SMARCA1: variants seen among roughly 807,000 people sequenced by gnomAD.
The protein encoded by SMARCA1 is SNF2 related chromatin remodeling ATPase 1.
In SMARCA1, 17 loss-of-function variants were observed where a neutral mutation model predicts 93.6. The ratio of observed to expected loss-of-function variants is 0.18; its 90% confidence interval spans 0.12 to 0.27. The LOEUF is 0.27. Among genes scored for constraint, SMARCA1 ranks in the 10% least tolerant of loss-of-function variants. The probability of loss-of-function intolerance (pLI) is 1.00; values close to 1 mark genes in which losing one functional copy is unlikely to be tolerated. For synonymous variants in SMARCA1, 271 were observed against 271.4 expected (o/e 1.00, Z 0.01); for missense variants, 630 against 819.0 (o/e 0.77, Z 2.82).
At position 129,448,749 on chromosome X, in the gene SMARCA1, T is replaced by TA. The variant is rs886561165; in HGVS notation, c.3031-307dup. On this transcript the variant is annotated intron_variant, in intron 23 of 24. Transcript: ENST00000371121. The stretch of plus-strand genomic sequence containing the variant: ...TGAACCTCAAGGGAATTATGCTAAG[T>TA]AAAAAAAAAAAGCTAATTTCGAAAG... Among the ~76,000 whole-genome samples, 209 of 101,483 alleles carry TA rather than the reference T, an allele frequency of 2.1e-3. 1 individual carries two copies. The highest frequency in any genetic ancestry group is 6.1e-3 in the African/African-American group (171 of 27,939). The allele number at this position is 101,483 out of a possible 115,157, so 88.1% of individuals were successfully genotyped here.
intron 15 of SMARCA1, 54 bp downstream of exon 15, chrX:129,490,006 A>G (rs1484975835): frequency 1.1e-6 from 1 of 950,567 alleles, no homozygotes; most frequent in African/African-American, 2.0e-5. Context: ...TCCTTTGAAG[A>G]AAACTACATG....
At position 129,446,943 on chromosome X, in the gene SMARCA1, A is replaced by G. The variant is rs1005828794; in HGVS notation, c.*219T>C. On this transcript the variant is annotated 3_prime_UTR_variant, in exon 25 of 25. Coordinates refer to ENST00000371121, the MANE Select transcript of SMARCA1 (RefSeq NM_001282874.2). ...CTGAGAGGATTTTGATGAAGACATG[A>G]AATGCACAAAATACAGTACACAAAA... 1 of 338,251 alleles carries G rather than the reference A, an allele frequency of 3.0e-6. No homozygotes were observed. Among genetic ancestry groups the G allele is most frequent in the Non-Finnish European group, 5.0e-6 (1 of 198,064 alleles). 27.9% of individuals were successfully genotyped at this position (338,251 alleles called of 1,213,427 possible).
chrX:129,496,991 ACACACGTG>A (rs1934355275), intron 11 of SMARCA1, 120 bp from the exon 12 acceptor site: 6 of 483,268 alleles, frequency 1.2e-5, no homozygotes, highest in Non-Finnish European at 2.1e-5. Context: ...TAACGCACAC[ACACACGTG>A]CACACACACA....
intron 6 of SMARCA1, among the ~76,000 whole-genome samples, 164 bp from the exon 7 acceptor site, chrX:129,508,260 T>C (rs1934896999): frequency 8.9e-6 from 1 of 111,778 alleles, no homozygotes; most frequent in East Asian, 2.8e-4. Context: ...GGCCCAAAGA[T>C]AGTTGTGTGG....
At chrX:129,457,510 T>G (rs1285386952) in intron 23 of SMARCA1, among the ~76,000 whole-genome samples, 1 of 112,328 alleles carries the variant, frequency 8.9e-6, no homozygotes, top group East Asian at 2.8e-4. Flanking sequence ...TACTTTGTAC[T>G]CAGAAATCTT....
intron 17 of SMARCA1, among the ~76,000 whole-genome samples, chrX:129,484,772 T>C (rs1393386017): frequency 9.0e-6 from 1 of 111,366 alleles, no homozygotes; most frequent in East Asian, 2.8e-4. Context: ...TACATATAGA[T>C]GGAATGAAGA....
chrX:129,518,925 T>C (rs1481716910), intron 1 of SMARCA1, among the ~76,000 whole-genome samples: 1 of 111,858 alleles, frequency 8.9e-6, no homozygotes, highest in Non-Finnish European at 1.9e-5. Context: ...CCTAAAACGA[T>C]ATTTTTAAAA....
At chrX:129,508,555 T>G (rs1934907528) in intron 6 of SMARCA1, among the ~76,000 whole-genome samples, 1 of 112,418 alleles carries the variant, frequency 8.9e-6, no homozygotes, top group Admixed American at 9.5e-5. Flanking sequence ...AGAACTCTTG[T>G]ATGTCCCTTC....
intron 23 of SMARCA1, among the ~76,000 whole-genome samples, chrX:129,464,396 T>C (rs1228014941): frequency 8.9e-6 from 1 of 112,534 alleles, no homozygotes; most frequent in Non-Finnish European, 1.9e-5. Flanking sequence ...CTGGTTGCTT[T>C]TAATTTTTAG....
chrX:129,489,175 C>T, intron 15 of SMARCA1, 90 bp from the exon 16 acceptor site: 1 of 576,783 alleles, frequency 1.7e-6, no homozygotes, highest in Non-Finnish European at 2.7e-6. Context: ...CACATTTAAC[C>T]ACACATAAAG....
chrX:129,504,550 A>T (rs989348365), intron 9 of SMARCA1, among the ~76,000 whole-genome samples, 184 bp downstream of exon 9: 1 of 34,524 alleles, frequency 2.9e-5, no homozygotes, highest in Non-Finnish European at 5.4e-5. Context: ...ATAGAGGAAT[A>T]AAAAAAAAAA....
At chrX:129,490,662 T>C (rs1294140098) in intron 14 of SMARCA1, among the ~76,000 whole-genome samples, 1 of 111,787 alleles carries the variant, frequency 8.9e-6, no homozygotes, top group East Asian at 2.8e-4. Context: ...TTCAGTAGCC[T>C]AGGACTGGTC....
chrX:129,493,582 G>A (rs138445345), intron 12 of SMARCA1, among the ~76,000 whole-genome samples: 55 of 111,322 alleles, frequency 4.9e-4, no homozygotes, highest in Non-Finnish European at 1.0e-3. Flanking sequence ...GAGGCACCTT[G>A]GCGTAGAGGA....
chrX:129,448,228 C>A, intron 24 of SMARCA1, 105 bp downstream of exon 24: 2 of 768,325 alleles, frequency 2.6e-6, no homozygotes, highest in Admixed American at 3.1e-5. Context: ...ATAAAACCAG[C>A]TTTTATTAAT....
chrX:129,507,319 C>T (rs941829281), intron 7 of SMARCA1, among the ~76,000 whole-genome samples: 1 of 111,725 alleles, frequency 9.0e-6, no homozygotes, highest in African/African-American at 3.3e-5. Context: ...ATTATTTTCT[C>T]TCATCCATAT....
chrX:129,469,683 A>G (rs1933028849), intron 20 of SMARCA1, among the ~76,000 whole-genome samples: 1 of 112,000 alleles, frequency 8.9e-6, no homozygotes, highest in Non-Finnish European at 1.9e-5. Flanking sequence ...TTTTTTGAAA[A>G]AGATTAATTA....
At chrX:129,483,239 G>GA (rs1268332314) in intron 17 of SMARCA1, among the ~76,000 whole-genome samples, 1 of 111,792 alleles carries the variant, frequency 8.9e-6, no homozygotes, top group Non-Finnish European at 1.9e-5. Flanking sequence ...CAAATAAAAA[G>GA]TTTTCTGAGA....
intron 9 of SMARCA1, among the ~76,000 whole-genome samples, chrX:129,503,978 A>G (rs753670470): frequency 1.9e-5 from 2 of 107,101 alleles, no homozygotes; most frequent in South Asian, 4.2e-4. Context: ...AAAAAAAAAA[A>G]AAAGAAAAGA....
intron 23 of SMARCA1, among the ~76,000 whole-genome samples, chrX:129,450,170 T>C (rs1319490836): frequency 8.9e-6 from 1 of 111,958 alleles, no homozygotes; most frequent in Non-Finnish European, 1.9e-5. Flanking sequence ...TAAGGTTAAA[T>C]GAGGTCCTAT....
Sources: allele counts gnomAD v4.1 joint callset (sites outside exome capture counted in the v4.1 genomes callset), GRCh38; gene constraint gnomAD v4.1.1; transcripts MANE v1.5; gene names NCBI Gene and HGNC (gene_info 2026-07-23, HGNC 2026-07-21).